TEX10: variants seen among roughly 807,000 people sequenced by gnomAD.
TEX10 encodes the protein testis-expressed protein 10.
Under a neutral mutation model 104.4 loss-of-function variants are expected in TEX10, and 24 were observed. The observed-to-expected ratio is 0.23, with a 90% CI of 0.17 to 0.32. The LOEUF is 0.32. TEX10 is among the 10% of genes least tolerant of loss of function. The pLI is 1.00. For synonymous variants in TEX10, 396 were observed against 393.4 expected (o/e 1.01, Z -0.08); for missense variants, 921 against 1,083.9 (o/e 0.85, Z 2.11).
rs182490990 is a variant in TEX10 at position 100,349,486 on chromosome 9, C to G, written c.-9-114G>C. On this transcript the variant is annotated intron_variant, in intron 1 of 14. Coordinates refer to ENST00000374902, the MANE Select transcript of TEX10 (RefSeq NM_017746.4). ...ATTTATTTCAATCGTAATCAAGAAT[C>G]TGATTATGCTGAAAGATCAAAATAT... 9.6e-6 allele frequency: 6 copies of G among 623,918 alleles called. No homozygotes were observed. The Admixed American group carries it at 2.0e-4, about 21-fold the overall frequency. The allele number at this position is 623,918 out of a possible 1,614,324, so 38.6% of individuals were successfully genotyped here.
intron 4 of TEX10, among the ~76,000 whole-genome samples, chr9:100,342,108 T>G (rs1292068828): frequency 6.6e-6 from 1 of 152,214 alleles, no homozygotes; most frequent in Non-Finnish European, 1.5e-5. Flanking sequence ...GCGAAGCCTG[T>G]TCTCACCTCA....
chr9:100,351,285 G>A (rs1835434871), intron 1 of TEX10, among the ~76,000 whole-genome samples: 1 of 151,428 alleles, frequency 6.6e-6, no homozygotes, highest in South Asian at 2.1e-4. Flanking sequence ...AAGTCTTCGT[G>A]GCAAAACAGT....
chr9:100,304,651 G>C (rs1277621048), intron 13 of TEX10: 2 of 152,176 alleles, frequency 1.3e-5, no homozygotes, highest in Non-Finnish European at 2.9e-5. Context: ...ACGAAGTCAA[G>C]AAATCAAGAC....
intron 10 of TEX10, among the ~76,000 whole-genome samples, chr9:100,321,019 T>C (rs890838774): frequency 2.6e-5 from 4 of 152,206 alleles, no homozygotes; most frequent in African/African-American, 9.7e-5. Flanking sequence ...CAAATCACTA[T>C]ACTTCTGTAA....
intron 5 of TEX10, among the ~76,000 whole-genome samples, chr9:100,332,791 G>A (rs915264225): frequency 1.3e-4 from 20 of 151,544 alleles, no homozygotes; most frequent in Admixed American, 1.2e-3. Context: ...ACTGCACTCC[G>A]GCCTGGGTGA....
chr9:100,343,763 T>C (rs1181997682), intron 4 of TEX10, among the ~76,000 whole-genome samples: 1 of 152,176 alleles, frequency 6.6e-6, no homozygotes, highest in Non-Finnish European at 1.5e-5. Flanking sequence ...GAAAAATCTA[T>C]ACAGTTTCTG....
At chr9:100,332,815 C>T (rs1834901174) in intron 5 of TEX10, among the ~76,000 whole-genome samples, 1 of 146,560 alleles carries the variant, frequency 6.8e-6, no homozygotes, top group South Asian at 2.1e-4. Context: ...AGCGAAACTC[C>T]ATCTCAAAAA....
chr9:100,302,164 C>T lies in TEX10; in HGVS notation c.*27G>A. The stretch of plus-strand genomic sequence containing the variant: ...AAATAAGATAGATGTGAATAAACAA[C>T]TTCAAACAGGAGGTACTATGGCCTC... On this transcript the variant is annotated 3_prime_UTR_variant, in exon 15 of 15. Coordinates refer to ENST00000374902, the MANE Select transcript of TEX10 (RefSeq NM_017746.4). 1 of 1,373,662 alleles carries T rather than the reference C, an allele frequency of 7.3e-7. No homozygotes were observed. Among genetic ancestry groups the T allele is most frequent in the Non-Finnish European group, 1.0e-6 (1 of 998,176 alleles). 85.1% of individuals were successfully genotyped at this position (1,373,662 alleles called of 1,614,324 possible).
chr9:100,347,122 T>TC lies in TEX10; in HGVS notation c.464dup (p.Ile156AsnfsTer24). 6.2e-7 allele frequency: 1 copy of TC among 1,614,158 alleles called. No individual in the cohort carries two copies. The highest frequency in any genetic ancestry group is 8.5e-7 in the Non-Finnish European group (1 of 1,180,026). ...AAACTTTTAAAGAGTCCTCCTGAAT[T>TC]CCTTCAGTAATGTGAGTCATGGCAC... On this transcript the variant is annotated frameshift_variant, in exon 3 of 15. Coordinates refer to ENST00000374902, the MANE Select transcript of TEX10 (RefSeq NM_017746.4). LOFTEE classifies it high-confidence loss of function.
chr9:100,330,094 G>A lies in TEX10; in HGVS notation c.1326C>T (p.Val442=). 6.2e-7 allele frequency: 1 copy of A among 1,614,070 alleles called. No individual in the cohort carries two copies. ...LLNLTLSDIM[V]SLANASTLQK... ...GCAAAGTTGACGCATTTGCCAGGGA[G>A]ACCATGATATCAGACAGTGTTAAAT... Residue 442 remains valine (V), a synonymous_variant, in exon 6 of 15, where the codon GTC becomes GTT. Coordinates refer to ENST00000374902, the MANE Select transcript of TEX10 (RefSeq NM_017746.4).
chr9:100,306,016 A>G (rs1834134166), intron 13 of TEX10: 8 of 152,026 alleles, frequency 5.3e-5, no homozygotes, highest in Admixed American at 3.3e-4. Flanking sequence ...AATGGAACTA[A>G]CAAGAACTTT....
At chr9:100,342,914 G>A (rs1173776254) in intron 4 of TEX10, among the ~76,000 whole-genome samples, 1 of 152,038 alleles carries the variant, frequency 6.6e-6, no homozygotes. Flanking sequence ...TTGGGAGGCT[G>A]AGACAGGTAG....
chr9:100,333,446 T>C (rs777044099), intron 5 of TEX10, among the ~76,000 whole-genome samples: 16 of 152,142 alleles, frequency 1.1e-4, no homozygotes, highest in Admixed American at 2.6e-4. Flanking sequence ...TATTTTGTAA[T>C]TGTTGACAAA....
At chr9:100,315,010 T>C (rs570037564) in intron 11 of TEX10, among the ~76,000 whole-genome samples, 2 of 152,324 alleles carry the variant, frequency 1.3e-5, no homozygotes, top group South Asian at 2.1e-4. Context: ...TTCAGGTGTA[T>C]GTTGTTTGAT....
At chr9:100,320,628 T>G (rs1834544599) in intron 10 of TEX10, among the ~76,000 whole-genome samples, 1 of 152,210 alleles carries the variant, frequency 6.6e-6, no homozygotes, top group South Asian at 2.1e-4. Flanking sequence ...ATCTATAATA[T>G]AGCAAGAAAC....
At chr9:100,352,637 C>A in intron 1 of TEX10, 135 bp downstream of exon 1, 2 of 1,445,998 alleles carry the variant, frequency 1.4e-6, no homozygotes, top group South Asian at 2.9e-5. Context: ...AGGGACGCCG[C>A]GGCCCAGACC....
At chr9:100,344,984 CTG>C (rs1398938662) in intron 4 of TEX10, among the ~76,000 whole-genome samples, 1 of 152,176 alleles carries the variant, frequency 6.6e-6, no homozygotes, top group Non-Finnish European at 1.5e-5. Context: ...TAGATCAAGA[CTG>C]TAAGTACTAT....
intron 6 of TEX10, 137 bp downstream of exon 6, chr9:100,329,794 A>C: frequency 1.3e-6 from 1 of 751,856 alleles, no homozygotes; most frequent in Non-Finnish European, 2.2e-6. Context: ...TCAAGTAGAC[A>C]GTAGCTACCT....
intron 11 of TEX10, among the ~76,000 whole-genome samples, chr9:100,315,998 A>T (rs145997340): frequency 4.4e-4 from 67 of 152,302 alleles, no homozygotes; most frequent in African/African-American, 1.6e-3. Context: ...AGGTTTTCTA[A>T]ACTTTAAATC....
Sources: allele counts gnomAD v4.1 joint callset (sites outside exome capture counted in the v4.1 genomes callset), GRCh38; gene constraint gnomAD v4.1.1; transcripts MANE v1.5; gene names NCBI Gene and HGNC (gene_info 2026-07-23, HGNC 2026-07-21).